Variants in PEX7 observed in about 807,000 individuals in gnomAD.
PEX7 encodes peroxisomal biogenesis factor 7.
PEX7 carries 34 observed loss-of-function variants against 47.5 expected under a neutral mutation model. That is an observed-to-expected ratio of 0.72 (90% CI 0.54 to 0.95). PEX7 has a LOEUF of 0.95. Ranked by LOEUF, PEX7 falls within the 40% of genes least tolerant of loss-of-function variation. PEX7 has a pLI of 0.00. For synonymous variants in PEX7, 141 were observed against 148.8 expected, an observed-to-expected ratio of 0.95 and a Z score of 0.38; for missense variants, 394 against 400.3, an observed-to-expected ratio of 0.98 and a Z score of 0.13.
At chr6:136,836,365 G>C (rs1354899954) in intron 3 of PEX7, among the ~76,000 whole-genome samples, 1 of 152,012 alleles carries the variant, frequency 6.6e-6, no homozygotes, top group Non-Finnish European at 1.5e-5. Context: ...CCTTGAAAGA[G>C]GGGGTAAGGT....
Position 136,898,317 on chromosome 6 carries a change from T to C in PEX7, c.903+76T>C. 4.5e-6 allele frequency: 4 copies of C among 898,376 alleles called. No homozygotes were observed. The Admixed American group carries it at 6.8e-5, about 15-fold the overall frequency. 55.7% of individuals were successfully genotyped at this position (898,376 alleles called of 1,614,324 possible). A position where few individuals can be genotyped will look rare whatever the true frequency, so the allele number is the denominator to read the frequency against. ...CTCTGTGTGGCATGCATTGCTTTTA[T>C]GAATAAAATTGTTGCCATTTTAGCT... On this transcript the variant is annotated intron_variant, in intron 9 of 9. Transcript: ENST00000318471.
chr6:136,856,405 G>C (rs558121168), intron 5 of PEX7, among the ~76,000 whole-genome samples: 1 of 152,220 alleles, frequency 6.6e-6, no homozygotes, highest in African/African-American at 2.4e-5. Flanking sequence ...TTATAGGCAT[G>C]GTTGAATGTA....
intron 5 of PEX7, among the ~76,000 whole-genome samples, chr6:136,849,437 G>C (rs1349704132): frequency 1.3e-5 from 2 of 152,052 alleles, no homozygotes; most frequent in Non-Finnish European, 2.9e-5. Context: ...TCTTTTAATT[G>C]TGATGTTAGG....
At chr6:136,876,002 CT>C (rs200185764) in intron 8 of PEX7, among the ~76,000 whole-genome samples, 5 of 150,708 alleles carry the variant, frequency 3.3e-5, no homozygotes, top group Middle Eastern at 3.4e-3. Context: ...TTCCCCATAC[CT>C]TTTTTTTTGT....
At chr6:136,831,646 A>G (rs6922393) in intron 3 of PEX7, among the ~76,000 whole-genome samples, 1,759 of 152,336 alleles carry the variant, frequency 0.012, 47 homozygotes, top group African/African-American at 0.04. Flanking sequence ...CAAGTTAGTT[A>G]CTTCTAAGAT....
intron 8 of PEX7, among the ~76,000 whole-genome samples, chr6:136,897,042 T>C (rs1297211551): frequency 6.6e-6 from 1 of 152,232 alleles, no homozygotes; most frequent in Non-Finnish European, 1.5e-5. Flanking sequence ...TCTTCCCAAA[T>C]ATTTTGTAGA....
intron 8 of PEX7, among the ~76,000 whole-genome samples, chr6:136,876,357 A>G (rs930719601): frequency 6.6e-6 from 1 of 152,000 alleles, no homozygotes; most frequent in African/African-American, 2.4e-5. Context: ...TTTTTATTAT[A>G]CTTTAAGTTC....
chr6:136,828,410 A>G (rs1015191478), intron 3 of PEX7, among the ~76,000 whole-genome samples: 1 of 152,084 alleles, frequency 6.6e-6, no homozygotes, highest in Non-Finnish European at 1.5e-5. Context: ...AACTTATTTG[A>G]CTTTTAGGTT....
chr6:136,866,129 CT>C lies in PEX7; in HGVS notation c.527-488del, dbSNP rs934417012. ...AAAATAAATAAATAAAATTTTTTAG[CT>C]TTTTTTTTTGAGGAGAAAAATACAC... is the stretch of plus-strand genomic sequence containing the variant. On this transcript the variant is annotated intron_variant, in intron 5 of 9. Coordinates refer to ENST00000318471, the MANE Select transcript of PEX7 (RefSeq NM_000288.4). Among the ~76,000 whole-genome samples, 227 of 147,992 alleles carry C rather than the reference CT, an allele frequency of 1.5e-3. 2 individuals carry two copies. Among genetic ancestry groups the C allele is most frequent in the South Asian group, 4.3e-3 (20 of 4,678 alleles).
At chr6:136,908,998 T>C (rs575496177) in intron 9 of PEX7, among the ~76,000 whole-genome samples, 2 of 152,316 alleles carry the variant, frequency 1.3e-5, no homozygotes, top group Admixed American at 1.3e-4. Context: ...CCTACTTTTA[T>C]GGGACCCCAT....
At position 136,859,552 on chromosome 6, in the gene PEX7, G is replaced by C. The variant is rs138145952; in HGVS notation, c.527-7075G>C. Among the ~76,000 whole-genome samples the C allele has an allele frequency of 3.9e-3, 600 of 152,104 alleles. 3 individuals carry two copies. The highest frequency in any genetic ancestry group is 0.014 in the African/African-American group (578 of 41,508). ...GTCATATTACATCTGAGAGGCACAA[G>C]GCATTTCGGTTAAGTTATATTGGCC... On this transcript the variant is annotated intron_variant, in intron 5 of 9. Transcript: ENST00000318471.
At chr6:136,897,303 G>A (rs922469282) in intron 8 of PEX7, among the ~76,000 whole-genome samples, 2 of 152,172 alleles carry the variant, frequency 1.3e-5, no homozygotes, top group South Asian at 4.1e-4. Context: ...ATATGACTCT[G>A]TGATCCTGAA....
chr6:136,902,418 A>G (rs1351761459), intron 9 of PEX7, among the ~76,000 whole-genome samples: 1 of 152,198 alleles, frequency 6.6e-6, no homozygotes, highest in African/African-American at 2.4e-5. Context: ...AAGGGCATTC[A>G]TATATTACAC....
At chr6:136,871,595 G>A (rs1436217781) in intron 7 of PEX7, among the ~76,000 whole-genome samples, 2 of 152,036 alleles carry the variant, frequency 1.3e-5, no homozygotes, top group Non-Finnish European at 1.5e-5. Context: ...GTCTCTCTCT[G>A]TCGCCGGGGC....
At chr6:136,908,708 T>C (rs1181274250) in intron 9 of PEX7, among the ~76,000 whole-genome samples, 1 of 152,190 alleles carries the variant, frequency 6.6e-6, no homozygotes, top group African/African-American at 2.4e-5. Flanking sequence ...AAAACCCTAG[T>C]TGGGATTCAG....
chr6:136,870,113 T>C, intron 7 of PEX7, 110 bp downstream of exon 7: 1 of 678,758 alleles, frequency 1.5e-6, no homozygotes, highest in Non-Finnish European at 2.4e-6. Flanking sequence ...ACTAATTCTT[T>C]TTTATATGTG....
chr6:136,875,644 G>T (rs1441264857), intron 8 of PEX7, among the ~76,000 whole-genome samples: 1 of 152,160 alleles, frequency 6.6e-6, no homozygotes, highest in African/African-American at 2.4e-5. Flanking sequence ...AGGCTGTAAA[G>T]TTCAGTATAT....
intron 5 of PEX7, among the ~76,000 whole-genome samples, chr6:136,857,849 G>A (rs902502293): frequency 6.6e-5 from 10 of 152,106 alleles, no homozygotes; most frequent in Non-Finnish European, 1.5e-4. Flanking sequence ...TTGAGACAGG[G>A]TCTGGCTCTG....
chr6:136,905,042 C>A (rs1044545075), intron 9 of PEX7, among the ~76,000 whole-genome samples: 3 of 152,134 alleles, frequency 2.0e-5, no homozygotes, highest in Non-Finnish European at 4.4e-5. Flanking sequence ...CCTTTGAAGT[C>A]TTTTTTATTT....
Sources: allele counts gnomAD v4.1 joint callset (sites outside exome capture counted in the v4.1 genomes callset), GRCh38; gene constraint gnomAD v4.1.1; transcripts MANE v1.5; gene names NCBI Gene and HGNC (gene_info 2026-07-23, HGNC 2026-07-21).